The following DUSP22 variants were observed in gnomAD, a reference collection of about 807,000 sequenced individuals.
The protein encoded by DUSP22 is dual specificity phosphatase 22.
Under a neutral mutation model 24.5 loss-of-function variants are expected in DUSP22, and 24 were observed. The observed-to-expected ratio is 0.98, with a 90% CI of 0.71 to 1.38. DUSP22 has a LOEUF of 1.38. DUSP22 is among the 40% of genes most tolerant of loss of function. The probability of loss-of-function intolerance (pLI) is 0.00; values close to 1 mark genes in which losing one functional copy is unlikely to be tolerated. For missense variants in DUSP22, 330 were observed against 269.2 expected (o/e 1.23, Z -1.58); for synonymous variants, 160 against 106.4 (o/e 1.50, Z -3.10).
intron 3 of DUSP22, among the ~76,000 whole-genome samples, chr6:318,298 C>T (rs1758425501): frequency 6.6e-6 from 1 of 152,306 alleles, no homozygotes; most frequent in Non-Finnish European, 1.5e-5. Context: ...CATGGTCAAG[C>T]CCCATGCCAG....
At chr6:296,693 A>G (rs1302081139) in intron 1 of DUSP22, among the ~76,000 whole-genome samples, 1 of 152,304 alleles carries the variant, frequency 6.6e-6, no homozygotes, top group Non-Finnish European at 1.5e-5. Context: ...TAAAAACAAA[A>G]CAAACGACTA....
intron 3 of DUSP22, among the ~76,000 whole-genome samples, chr6:327,724 C>G (rs953034336): frequency 2.0e-5 from 3 of 152,302 alleles, no homozygotes; most frequent in Admixed American, 2.0e-4. Context: ...CCACAGAGAG[C>G]CTGGTGGGTA....
At chr6:335,001 C>G in intron 3 of DUSP22, 113 bp from the exon 4 acceptor site, 3 of 1,262,992 alleles carry the variant, frequency 2.4e-6, no homozygotes, top group Non-Finnish European at 3.3e-6. Flanking sequence ...GAGTGAAAAA[C>G]TTCTCCTTTT....
intron 3 of DUSP22, among the ~76,000 whole-genome samples, chr6:321,026 A>G (rs1488503113): frequency 6.6e-6 from 1 of 152,298 alleles, no homozygotes; most frequent in Non-Finnish European, 1.5e-5. Flanking sequence ...CTGGGCACCC[A>G]GGGGAGGCGG....
chr6:351,223 C>A lies in DUSP22; in HGVS notation c.*2272C>A. The A allele has an allele frequency of 7.4e-6, 2 of 270,624 alleles. No homozygotes were observed. Among genetic ancestry groups the A allele is most frequent in the East Asian group, 8.1e-5 (1 of 12,362 alleles). 16.8% of individuals were successfully genotyped at this position (270,624 alleles called of 1,614,324 possible). A position where few individuals can be genotyped will look rare whatever the true frequency, so the allele number is the denominator to read the frequency against. On this transcript the variant is annotated 3_prime_UTR_variant, in exon 7 of 7. Coordinates refer to ENST00000419235, the MANE Select transcript of DUSP22 (RefSeq NM_001286555.3). ...GTAGTTGTGTGGCGTGAACTCTGCC[C>A]GTGTGTTCTCAAATTCCCCAGCTTG...
intron 4 of DUSP22, among the ~76,000 whole-genome samples, chr6:344,816 CTTTT>C (rs1234970172): frequency 5.2e-5 from 8 of 152,396 alleles, no homozygotes; most frequent in African/African-American, 1.9e-4. Context: ...TGAGAGAATG[CTTTT>C]AGATTTTCCA....
rs755851612 is a variant in DUSP22, at chr6:349,001, G to A, written c.*50G>A. ...CCCACTGCTTGTCTTCAGTGTGCCC[G>A]GCTGGGCAGGGGTGCGGTGGTGGTG... On this transcript the variant is annotated 3_prime_UTR_variant, in exon 7 of 7. Coordinates refer to ENST00000419235, the MANE Select transcript of DUSP22 (RefSeq NM_001286555.3). 23 of 1,548,160 alleles carry A rather than the reference G, an allele frequency of 1.5e-5. No homozygotes were observed. Among genetic ancestry groups the A allele is most frequent in the African/African-American group, 6.8e-5 (5 of 73,050 alleles).
chr6:341,792 G>C (rs1478764474), intron 4 of DUSP22, among the ~76,000 whole-genome samples: 1 of 152,306 alleles, frequency 6.6e-6, no homozygotes, highest in East Asian at 1.9e-4. Context: ...AGAGCTACCG[G>C]GGGGTGGTGG....
chr6:326,051 C>A, intron 3 of DUSP22: 1 of 234,676 alleles, frequency 4.3e-6, no homozygotes, highest in Non-Finnish European at 8.2e-6. Flanking sequence ...AGTGCTGTAT[C>A]TGCTGGTGCC....
At chr6:312,018 A>G (rs1434535129) in intron 3 of DUSP22, 56 bp downstream of exon 3, 13 of 1,566,386 alleles carry the variant, frequency 8.3e-6, no homozygotes, top group Admixed American at 3.7e-5. Context: ...CCGTGGGAGT[A>G]CCTACGACGT....
intron 1 of DUSP22, among the ~76,000 whole-genome samples, chr6:303,220 A>G (rs1429819647): frequency 6.6e-6 from 1 of 152,304 alleles, no homozygotes; most frequent in Non-Finnish European, 1.5e-5. Flanking sequence ...ATCCACATCC[A>G]GGACGAACTT....
intron 3 of DUSP22, among the ~76,000 whole-genome samples, chr6:317,769 G>A (rs1303066973): frequency 2.0e-5 from 3 of 152,428 alleles, no homozygotes; most frequent in East Asian, 1.9e-4. Flanking sequence ...ACTCGGCTTG[G>A]ATCCAGCACG....
At chr6:322,349 C>G (rs1758635871) in intron 3 of DUSP22, among the ~76,000 whole-genome samples, 1 of 152,300 alleles carries the variant, frequency 6.6e-6, no homozygotes, top group Non-Finnish European at 1.5e-5. Context: ...TCCTGTAACC[C>G]CTTGTGTGGG....
At chr6:332,867 G>A (rs913343672) in intron 3 of DUSP22, among the ~76,000 whole-genome samples, 13 of 152,302 alleles carry the variant, frequency 8.5e-5, no homozygotes, top group Admixed American at 7.8e-4. Flanking sequence ...TCTCCAAGGA[G>A]CGTGGAGGGA....
intron 1 of DUSP22, among the ~76,000 whole-genome samples, chr6:302,111 GA>G (rs1757605281): frequency 6.6e-6 from 1 of 152,308 alleles, no homozygotes. Flanking sequence ...GAGAAATGCA[GA>G]AGCCCTCCTC....
intron 2 of DUSP22, among the ~76,000 whole-genome samples, chr6:310,615 T>C (rs559066327): frequency 1.2e-4 from 19 of 152,420 alleles, no homozygotes; most frequent in Admixed American, 1.0e-3. Context: ...AATCCAGAAC[T>C]GTCCCTGCTT....
intron 3 of DUSP22, among the ~76,000 whole-genome samples, chr6:313,706 A>G (rs1758211764): frequency 6.6e-6 from 1 of 152,300 alleles, no homozygotes; most frequent in East Asian, 1.9e-4. Context: ...GTGATTTTAT[A>G]TTTATTGTTA....
intron 1 of DUSP22, among the ~76,000 whole-genome samples, chr6:295,908 A>G (rs1359188988): frequency 2.0e-5 from 3 of 152,216 alleles, no homozygotes; most frequent in Admixed American, 1.3e-4. Flanking sequence ...ACGACCTTAT[A>G]TTTGCCCAGA....
At chr6:303,180 A>T (rs549778246) in intron 1 of DUSP22, among the ~76,000 whole-genome samples, 696 of 152,206 alleles carry the variant, frequency 4.6e-3, no homozygotes, top group Non-Finnish European at 7.2e-3. Flanking sequence ...AGCTCTGTGC[A>T]GTCAAGCATT....
Sources: allele counts gnomAD v4.1 joint callset (sites outside exome capture counted in the v4.1 genomes callset), GRCh38; gene constraint gnomAD v4.1.1; transcripts MANE v1.5; gene names NCBI Gene and HGNC (gene_info 2026-07-23, HGNC 2026-07-21).